The following KIF16B variants were observed in gnomAD, a reference collection of about 807,000 sequenced individuals.
KIF16B encodes kinesin family member 16B, also known as kinesin-like protein KIF16B.
Under a neutral mutation model 156.3 loss-of-function variants are expected in KIF16B, and 98 were observed. That is an observed-to-expected ratio of 0.63 (90% CI 0.53 to 0.74). The LOEUF (loss-of-function observed/expected upper bound fraction) is 0.74. Ranked by LOEUF, KIF16B falls within the 30% of genes least tolerant of loss-of-function variation. The pLI, the probability that KIF16B is intolerant of heterozygous loss-of-function variation, is 0.00. For synonymous variants in KIF16B, 564 were observed against 583.7 expected, an observed-to-expected ratio of 0.97 and a Z score of 0.49; for missense variants, 1,421 against 1,606.5, an observed-to-expected ratio of 0.88 and a Z score of 1.97.
chr20:16,416,724 TTA>T (rs1491110691), intron 15 of KIF16B, among the ~76,000 whole-genome samples: 1 of 142,514 alleles, frequency 7.0e-6, no homozygotes. Context: ...CCCCAGAACT[TTA>T]AAAAAAAAAA....
chr20:16,344,981 G>A (rs1437533710), intron 23 of KIF16B, among the ~76,000 whole-genome samples: 2 of 152,144 alleles, frequency 1.3e-5, no homozygotes, highest in African/African-American at 2.4e-5. Flanking sequence ...CCCTCTCCAA[G>A]GTTAGCCTCC....
At chr20:16,408,373 T>G (rs987573465) in intron 15 of KIF16B, among the ~76,000 whole-genome samples, 2 of 152,132 alleles carry the variant, frequency 1.3e-5, no homozygotes, top group Admixed American at 1.3e-4. Flanking sequence ...TTTTTCCAAT[T>G]ATGGCAAGAC....
At chr20:16,518,711 T>C (rs1308554358) in intron 3 of KIF16B, among the ~76,000 whole-genome samples, 1 of 152,196 alleles carries the variant, frequency 6.6e-6, no homozygotes, top group Non-Finnish European at 1.5e-5. Flanking sequence ...ATTCTAAAAT[T>C]AATTTGGGAG....
intron 1 of KIF16B, among the ~76,000 whole-genome samples, chr20:16,565,204 C>T (rs758457280): frequency 6.6e-6 from 1 of 152,142 alleles, no homozygotes; most frequent in Non-Finnish European, 1.5e-5. Context: ...TAAAAAATTA[C>T]TGAGGAGGCT....
rs2064444563 is a variant in KIF16B, at chr20:16,356,434, A to C, written c.3517T>G (p.Leu1173Val). ...TTCAGGTCATCTGGATTTGCGCCCA[A>C]AGAGCGAGAAACCATCCGCTATCAA... ...LKYERMVSRS[L>V]GANPDDLKDP... The change falls in exon 23 of 26, where the codon TTG becomes GTG. Residue 1173 changes from leucine to valine, a missense_variant. Leu to Val is a conservative substitution (Grantham distance 32, BLOSUM62 1). Coordinates refer to ENST00000354981, the MANE Select transcript of KIF16B (RefSeq NM_024704.5). The C allele has an allele frequency of 6.2e-7, 1 of 1,614,038 alleles. No individual in the cohort carries two copies. Among genetic ancestry groups the C allele is most frequent in the African/African-American group, 1.3e-5 (1 of 74,942 alleles).
intron 15 of KIF16B, among the ~76,000 whole-genome samples, chr20:16,416,137 A>C (rs2066081340): frequency 6.6e-6 from 1 of 152,126 alleles, no homozygotes; most frequent in Non-Finnish European, 1.5e-5. Context: ...AGATTACCAA[A>C]ATTTTCTCCC....
chr20:16,412,653 C>T (rs937820100), intron 15 of KIF16B, among the ~76,000 whole-genome samples: 5 of 151,956 alleles, frequency 3.3e-5, no homozygotes, highest in Non-Finnish European at 5.9e-5. Context: ...CTCGTGAGAA[C>T]TCACCATCAC....
intron 25 of KIF16B, among the ~76,000 whole-genome samples, chr20:16,283,081 GC>G (rs1389624577): frequency 1.3e-5 from 2 of 152,124 alleles, no homozygotes; most frequent in African/African-American, 4.8e-5. Context: ...CCTTTTCCCA[GC>G]CTCTGTCAGT....
intron 11 of KIF16B, among the ~76,000 whole-genome samples, chr20:16,496,805 A>AT (rs2068464235): frequency 6.6e-6 from 1 of 152,216 alleles, no homozygotes; most frequent in Non-Finnish European, 1.5e-5. Context: ...TACTGAGGCT[A>AT]TTATCAGGAT....
rs150166086 is a variant in KIF16B, at chr20:16,429,908, G to A, written c.1377C>T (p.Ile459=). Residue 459 remains isoleucine, a synonymous_variant, in exon 13 of 26, where the codon ATC becomes ATT. Coordinates refer to ENST00000354981, the MANE Select transcript of KIF16B (RefSeq NM_024704.5). Reference sequence around the variant, plus strand: ...TTCCAGTACTCAAAAGGTCATCATCGATGCCAATCAAATGAGGCAGTTCAG... The same window carrying A: ...TTCCAGTACTCAAAAGGTCATCATCAATGCCAATCAAATGAGGCAGTTCAG... ...LDSELPHLIG[I]DDDLLSTGII... The A allele has an allele frequency of 2.5e-6, 4 of 1,612,032 alleles. No homozygotes were observed. The highest frequency in any genetic ancestry group is 2.2e-5 in the South Asian group (2 of 90,986).
At chr20:16,342,130 C>T (rs531477103) in intron 23 of KIF16B, among the ~76,000 whole-genome samples, 56 of 152,258 alleles carry the variant, frequency 3.7e-4, no homozygotes, top group Middle Eastern at 3.4e-3. Context: ...TATTCCATCC[C>T]CTCCATGATC....
At chr20:16,373,704 C>T (rs2064876828) in intron 20 of KIF16B, among the ~76,000 whole-genome samples, 1 of 152,244 alleles carries the variant, frequency 6.6e-6, no homozygotes, top group Admixed American at 6.5e-5. Context: ...CCTTGCCTCA[C>T]TTTGTGCTGG....
intron 15 of KIF16B, among the ~76,000 whole-genome samples, chr20:16,415,465 C>T (rs1332097823): frequency 6.6e-6 from 1 of 152,078 alleles, no homozygotes; most frequent in East Asian, 1.9e-4. Flanking sequence ...TTCTATCAGC[C>T]TCCCTTTGAG....
intron 12 of KIF16B, among the ~76,000 whole-genome samples, chr20:16,453,560 A>G (rs992163767): frequency 2.6e-5 from 4 of 152,310 alleles, no homozygotes; most frequent in African/African-American, 9.6e-5. Flanking sequence ...TACAATATAT[A>G]TTACTGACAA....
chr20:16,480,585 G>A (rs1244013405), intron 12 of KIF16B, among the ~76,000 whole-genome samples: 2 of 152,200 alleles, frequency 1.3e-5, no homozygotes, highest in African/African-American at 4.8e-5. Context: ...AAAAGGACAA[G>A]GCTTTTGTGT....
At chr20:16,291,851 T>C (rs1454642988) in intron 25 of KIF16B, among the ~76,000 whole-genome samples, 1 of 152,166 alleles carries the variant, frequency 6.6e-6, no homozygotes, top group African/African-American at 2.4e-5. Flanking sequence ...ATATACTAAG[T>C]AGCATAAATA....
Position 16,512,929 on chromosome 20 carries a change from T to A in KIF16B, c.349-6A>T. The A allele has an allele frequency of 6.3e-7, 1 of 1,588,328 alleles. No individual in the cohort carries two copies. ...GGTATTAAGCCAGAATCTCCCTGCA[T>A]GGGAAAGACCAATGTCACAGCTGTC... On this transcript the variant is annotated splice_polypyrimidine_tract_variant and splice_region_variant and intron_variant, in intron 4 of 25. Coordinates refer to ENST00000354981, the MANE Select transcript of KIF16B (RefSeq NM_024704.5).
chr20:16,415,156 T>C (rs1271487701), intron 15 of KIF16B, among the ~76,000 whole-genome samples: 1 of 152,060 alleles, frequency 6.6e-6, no homozygotes. Flanking sequence ...AGGAAATGAT[T>C]AGAGGGCAAT....
In KIF16B at chr20:16,379,313, G is replaced by C; in HGVS notation, c.2689C>G (p.Pro897Ala). Residue 897 changes from proline (P) to alanine (A), a missense_variant, in exon 19 of 26, where the codon CCA (proline) becomes GCA (alanine). By Grantham distance (27) the Pro-to-Ala change is conservative. Transcript: ENST00000354981. ...TTATATTGCAGCCTGTACTCCACTG[G>C]CTTTATTTTCTCGAAATCTTGAGGC... ...EVPQDFEKIKPVEYRLQYKER... is the reference protein window; with the variant it reads ...EVPQDFEKIKAVEYRLQYKER... The C allele has an allele frequency of 1.2e-6, 2 of 1,607,636 alleles. No individual in the cohort carries two copies. The highest frequency in any genetic ancestry group is 1.7e-4 in the Middle Eastern group (1 of 6,016).
Sources: allele counts gnomAD v4.1 joint callset (sites outside exome capture counted in the v4.1 genomes callset), GRCh38; gene constraint gnomAD v4.1.1; transcripts MANE v1.5; gene names NCBI Gene and HGNC (gene_info 2026-07-23, HGNC 2026-07-21).